The following CAPN2 variants were observed in gnomAD, a reference collection of about 807,000 sequenced individuals.
The protein encoded by CAPN2 is calpain-2 catalytic subunit.
A neutral mutation model predicts 102.3 loss-of-function variants in CAPN2; 92 were observed. The observed-to-expected ratio is 0.90, with a 90% CI of 0.76 to 1.07. The LOEUF (loss-of-function observed/expected upper bound fraction) is 1.07, where lower values mean the gene tolerates loss of function less well. CAPN2 is among the 50% of genes least tolerant of loss of function. The pLI, the probability that CAPN2 is intolerant of heterozygous loss-of-function variation, is 0.00. For missense variants in CAPN2, 800 were observed against 909.4 expected, an observed-to-expected ratio of 0.88 and a Z score of 1.55; for synonymous variants, 340 against 355.4, an observed-to-expected ratio of 0.96 and a Z score of 0.49.
At chr1:223,729,325 A>T (rs1186135073) in intron 2 of CAPN2, among the ~76,000 whole-genome samples, 1 of 152,180 alleles carries the variant, frequency 6.6e-6, no homozygotes, top group African/African-American at 2.4e-5. Flanking sequence ...TCCTTAGATA[A>T]TTTTGCCCAA....
chr1:223,709,752 T>G (rs575254726), upstream of CAPN2, among the ~76,000 whole-genome samples: 1 of 152,032 alleles, frequency 6.6e-6, no homozygotes, highest in East Asian at 1.9e-4. Flanking sequence ...AGCAGCACAA[T>G]TTACATGACG....
rs546120170 is a variant in CAPN2 at position 223,755,358 on chromosome 1, C to T, written c.1136-122C>T. On this transcript the variant is annotated intron_variant, in intron 9 of 20. Coordinates refer to ENST00000295006, the MANE Select transcript of CAPN2 (RefSeq NM_001748.5). The surrounding 1 kb of genome is among the most constrained non-coding windows in gnomAD (Gnocchi z 4.1). Reference sequence around the variant, plus strand: ...ACCACCTCTTACCATCTCCCACCACCTCCCACCATCTCCCTTTATCTCCAT... The same window carrying T: ...ACCACCTCTTACCATCTCCCACCACTTCCCACCATCTCCCTTTATCTCCAT... 1.1e-4 allele frequency: 104 copies of T among 914,886 alleles called. 1 individual carries two copies. In the South Asian group the frequency reaches 1.6e-3, roughly 14 times the overall value. The allele number at this position is 914,886 out of a possible 1,614,324, so 56.7% of individuals were successfully genotyped here.
At chr1:223,728,739 T>C (rs1402743706) in intron 2 of CAPN2, among the ~76,000 whole-genome samples, 3 of 152,218 alleles carry the variant, frequency 2.0e-5, no homozygotes, top group South Asian at 2.1e-4. Context: ...GGATGTGTTT[T>C]CTGGGACTTC....
At chr1:223,741,455 TATATATATATATA>T (rs1660613024) in intron 2 of CAPN2, among the ~76,000 whole-genome samples, 1 of 135,886 alleles carries the variant, frequency 7.4e-6, no homozygotes, top group African/African-American at 3.0e-5. Flanking sequence ...TATATATATA[TATATATATATATA>T]TTTGAGAGGG....
intron 12 of CAPN2, among the ~76,000 whole-genome samples, chr1:223,760,869 A>C (rs1661167589): frequency 6.6e-6 from 1 of 152,216 alleles, no homozygotes; most frequent in Admixed American, 6.5e-5. Context: ...TCCTTCTGCC[A>C]GGCATTGGCC....
chr1:223,706,202 C>T (rs138595054), intron 1 of CAPN2, among the ~76,000 whole-genome samples: 2 of 152,266 alleles, frequency 1.3e-5, no homozygotes, highest in East Asian at 3.9e-4. Context: ...TCCCTCTCTC[C>T]TTCTACTGTC....
At chr1:223,715,316 G>A (rs1003868102) in intron 1 of CAPN2, among the ~76,000 whole-genome samples, 6 of 152,170 alleles carry the variant, frequency 3.9e-5, no homozygotes, top group Non-Finnish European at 5.9e-5. Flanking sequence ...AAGGACCCCC[G>A]GGAAGAGAGG....
rs754127303 is a variant in CAPN2, at chr1:223,759,329, G to GGAGC, written c.1379_1382dup (p.Ser462AlafsTer44). On this transcript the variant is annotated frameshift_variant, in exon 12 of 21. Coordinates refer to ENST00000295006, the MANE Select transcript of CAPN2 (RefSeq NM_001748.5). LOFTEE classifies it high-confidence loss of function. The surrounding 1 kb of genome is among the most constrained non-coding windows in gnomAD (Gnocchi z 4.6). ...ACTTCTTCCTGACGAATCGCGCCAG[G>GGAGC]GAGCGCTCAGACACCTTCATCAACC... is the stretch of plus-strand genomic sequence containing the variant. 215 of 1,614,192 alleles carry GGAGC rather than the reference G, an allele frequency of 1.3e-4. 1 individual carries two copies. The highest frequency in any genetic ancestry group is 2.5e-6 in the Non-Finnish European group (3 of 1,180,042).
rs761007979 is a variant in CAPN2 at position 223,755,559 on chromosome 1, C to T, written c.1215C>T (p.Cys405=). ...DEDEEDGESG[C]TFLVGLIQKH... is the part of the protein sequence containing the mutation. The stretch of plus-strand genomic sequence containing the variant: ...ACGAGGAGGATGGGGAGAGCGGCTG[C>T]ACCTTCCTGGTGGGGCTCATTCAGA... Residue 405 remains cysteine, a synonymous_variant, in exon 10 of 21, where the codon TGC becomes TGT. Transcript: ENST00000295006. The surrounding 1 kb of genome is among the most constrained non-coding windows in gnomAD (Gnocchi z 4.1). The T allele has an allele frequency of 1.4e-5, 22 of 1,613,834 alleles. No homozygotes were observed. The Admixed American group carries it at 3.2e-4, about 23-fold the overall frequency.
At chr1:223,751,969 A>G in intron 7 of CAPN2, 28 bp from the exon 8 acceptor site, 1 of 1,501,188 alleles carries the variant, frequency 6.7e-7, no homozygotes, top group East Asian at 2.3e-5. Context: ...TCGTACACTA[A>G]CGCCTCTCTC....
rs545755874 is a variant in CAPN2, at chr1:223,747,796, T to A, written c.729+631T>A. ...TCGAGAGACAGAAGGAAAGGGGAGG[T>A]CAGAGAGATCTTGAGGCTTCTTCAG... On this transcript the variant is annotated intron_variant, in intron 5 of 20. Coordinates refer to ENST00000295006, the MANE Select transcript of CAPN2 (RefSeq NM_001748.5). Among the ~76,000 whole-genome samples the A allele has an allele frequency of 7.5e-4, 114 of 151,516 alleles. 1 individual carries two copies. In the South Asian group the frequency reaches 0.024, roughly 32 times the overall value.
chr1:223,748,190 T>G (rs1660791663), intron 5 of CAPN2, among the ~76,000 whole-genome samples: 2 of 152,192 alleles, frequency 1.3e-5, no homozygotes, highest in Non-Finnish European at 1.5e-5. Flanking sequence ...ATAGCCTTGC[T>G]GGCAACGCTC....
At position 223,742,640 on chromosome 1, in the gene CAPN2, C is replaced by T. The variant is rs565566867; in HGVS notation, c.308-1460C>T. Among the ~76,000 whole-genome samples the T allele has an allele frequency of 4.0e-5, 6 of 151,550 alleles. No homozygotes were observed. In the South Asian group the frequency reaches 1.3e-3, roughly 32 times the overall value. On this transcript the variant is annotated intron_variant, in intron 2 of 20. Transcript: ENST00000295006. Reference sequence around the variant, plus strand: ...GCTCAAATAGTCCTCCCACCTCAGCCTCCCAAGTAGCTGGGACTACAGGTG... The same window carrying T: ...GCTCAAATAGTCCTCCCACCTCAGCTTCCCAAGTAGCTGGGACTACAGGTG...
chr1:223,709,661 C>CAAAAAAAAAAAAAAAAAAAAAAAA (rs779362608), upstream of CAPN2, among the ~76,000 whole-genome samples: 3 of 137,814 alleles, frequency 2.2e-5, no homozygotes, highest in African/African-American at 8.1e-5. Flanking sequence ...AACTCCATCT[C>CAAAAAAAAAAAAAAAAAAAAAAAA]AAAAAAAAAA....
In CAPN2 at chr1:223,755,599, C is replaced by G. The variant is rs745392862; in HGVS notation, c.1255C>G (p.Gln419Glu). Residue 419 changes from glutamine to glutamate, a missense_variant, in exon 10 of 21, where the codon CAG becomes GAG. Coordinates refer to ENST00000295006, the MANE Select transcript of CAPN2 (RefSeq NM_001748.5). The surrounding 1 kb of genome is among the most constrained non-coding windows in gnomAD (Gnocchi z 4.1). The stretch of plus-strand genomic sequence containing the variant: ...GCTCATTCAGAAGCACCGACGGCGG[C>G]AGAGGAAGATGGGCGAGGACATGCA... ...VGLIQKHRRR[Q>E]RKMGEDMHTI... is the part of the protein sequence containing the mutation. 6.2e-7 allele frequency: 1 copy of G among 1,612,638 alleles called. No individual in the cohort carries two copies.
chr1:223,714,915 A>G (rs1282288900), intron 1 of CAPN2, among the ~76,000 whole-genome samples: 1 of 152,240 alleles, frequency 6.6e-6, no homozygotes, highest in Non-Finnish European at 1.5e-5. Context: ...ATCTAGCGCC[A>G]CTGCTTAGGG....
intron 5 of CAPN2, among the ~76,000 whole-genome samples, chr1:223,747,386 T>A (rs1476325535): frequency 1.3e-5 from 2 of 152,180 alleles, no homozygotes; most frequent in African/African-American, 4.8e-5. Flanking sequence ...TGTATGAATG[T>A]GGACAGGGGA....
In CAPN2 at chr1:223,706,628, G is replaced by A. The variant is rs143816164; in HGVS notation, c.3+4797G>A. Among the ~76,000 whole-genome samples, 702 of 152,286 alleles carry A rather than the reference G, an allele frequency of 4.6e-3. 5 individuals carry two copies. Among genetic ancestry groups the A allele is most frequent in the Non-Finnish European group, 6.4e-3 (437 of 68,028 alleles). On this transcript the variant is annotated intron_variant, in intron 1 of 20. Transcript: ENST00000433674. Reference sequence around the variant, plus strand: ...CACAACATGTCAGCTGCTCTGCTGGGCCTCTGTTTACTCATCCATTAAATG... The same window carrying A: ...CACAACATGTCAGCTGCTCTGCTGGACCTCTGTTTACTCATCCATTAAATG...
rs778579154 is a variant in CAPN2 at position 223,726,182 on chromosome 1, C to A, written c.307+8351C>A. Among the ~76,000 whole-genome samples, 40 of 152,166 alleles carry A rather than the reference C, an allele frequency of 2.6e-4. No individual in the cohort carries two copies. The highest frequency in any genetic ancestry group is 5.3e-4 in the Non-Finnish European group (36 of 68,046). On this transcript the variant is annotated intron_variant, in intron 2 of 20. Transcript: ENST00000295006. The surrounding 1 kb of genome is among the most constrained non-coding windows in gnomAD (Gnocchi z 4.4). Reference sequence around the variant, plus strand: ...ACTGTCTTTGGGCTTCCTCCAGGAGCTAAGAAAGGAGAGTTCCTGAAGAGC... The same window carrying A: ...ACTGTCTTTGGGCTTCCTCCAGGAGATAAGAAAGGAGAGTTCCTGAAGAGC...
Sources: allele counts gnomAD v4.1 joint callset (sites outside exome capture counted in the v4.1 genomes callset), GRCh38; gene constraint gnomAD v4.1.1; non-coding constraint Gnocchi (gnomAD v3.1); transcripts MANE v1.5; gene names NCBI Gene and HGNC (gene_info 2026-07-23, HGNC 2026-07-21).